PTPRD: variants seen among roughly 807,000 people sequenced by gnomAD.
PTPRD encodes receptor-type tyrosine-protein phosphatase delta.
Under a neutral mutation model 214.5 loss-of-function variants are expected in PTPRD, and 34 were observed. That is an observed-to-expected ratio of 0.16 (90% CI 0.12 to 0.21). The LOEUF is 0.21. Ranked by LOEUF, PTPRD falls within the 10% of genes least tolerant of loss-of-function variation. The pLI, the probability that PTPRD is intolerant of heterozygous loss-of-function variation, is 1.00. For missense variants in PTPRD, 2,545 were observed against 2,398.7 expected, an observed-to-expected ratio of 1.06 and a Z score of -1.27; for synonymous variants, 1,128 against 845.7, an observed-to-expected ratio of 1.33 and a Z score of -5.79.
intron 3 of PTPRD, among the ~76,000 whole-genome samples, chr9:10,213,709 T>C (rs1395280024): frequency 1.3e-5 from 2 of 152,144 alleles, no homozygotes; most frequent in African/African-American, 2.4e-5. Flanking sequence ...ACATTATTTA[T>C]TGAAGTAAGA....
At chr9:8,608,738 C>T (rs182539587) in intron 14 of PTPRD, among the ~76,000 whole-genome samples, 217 of 151,964 alleles carry the variant, frequency 1.4e-3, no homozygotes, top group African/African-American at 5.0e-3. Context: ...TGAAAATGCA[C>T]CGAAAAAAAT....
intron 10 of PTPRD, among the ~76,000 whole-genome samples, chr9:9,062,574 AT>A (rs2099709543): frequency 3.3e-5 from 5 of 151,286 alleles, no homozygotes; most frequent in Non-Finnish European, 4.4e-5. Flanking sequence ...CTATCTATCT[AT>A]CTATCTACCT....
At chr9:9,382,536 C>T (rs1022881446) in intron 9 of PTPRD, among the ~76,000 whole-genome samples, 6 of 151,914 alleles carry the variant, frequency 3.9e-5, no homozygotes, top group Non-Finnish European at 8.8e-5. Flanking sequence ...AGACATTTCC[C>T]CAAAGACAAC....
At chr9:8,389,776 T>G (rs2088778923) in intron 36 of PTPRD, among the ~76,000 whole-genome samples, 1 of 152,028 alleles carries the variant, frequency 6.6e-6, no homozygotes, top group African/African-American at 2.4e-5. Flanking sequence ...AGGCAAAAAC[T>G]AGATAAAAGA....
intron 3 of PTPRD, among the ~76,000 whole-genome samples, chr9:10,206,026 T>A (rs1208349511): frequency 1.5e-4 from 22 of 150,636 alleles, no homozygotes; most frequent in African/African-American, 4.4e-4. Context: ...CAATAATAGC[T>A]TTATGTAAAA....
At chr9:10,569,583 C>A (rs978720329) in intron 2 of PTPRD, among the ~76,000 whole-genome samples, 1 of 150,978 alleles carries the variant, frequency 6.6e-6, no homozygotes, top group African/African-American at 2.4e-5. Flanking sequence ...AGATACTATA[C>A]AAATATATTG....
intron 8 of PTPRD, among the ~76,000 whole-genome samples, chr9:9,456,903 G>A (rs1456028027): frequency 6.6e-6 from 1 of 151,866 alleles, no homozygotes; most frequent in East Asian, 1.9e-4. Flanking sequence ...AAGAGAGGAA[G>A]GAAGAGGATA....
At chr9:10,051,431 CT>C (rs200098688) in intron 3 of PTPRD, among the ~76,000 whole-genome samples, 14 of 151,772 alleles carry the variant, frequency 9.2e-5, no homozygotes, top group East Asian at 7.7e-4. Context: ...ATATTACAAT[CT>C]TTTTTTTCAG....
chr9:9,154,398 TGGTGTAG>T (rs546930519), intron 10 of PTPRD, among the ~76,000 whole-genome samples: 14,087 of 152,170 alleles, frequency 0.093, 875 homozygotes, highest in African/African-American at 0.17. Flanking sequence ...GTTTGGTTCC[TGGTGTAG>T]GCTCTCTTTC....
At chr9:8,363,713 A>G (rs929407655) in intron 39 of PTPRD, among the ~76,000 whole-genome samples, 7 of 152,302 alleles carry the variant, frequency 4.6e-5, no homozygotes, top group Admixed American at 4.6e-4. Flanking sequence ...TTGGGGCTCA[A>G]AAGTTTGATG....
At chr9:9,173,946 A>G (rs569541945) in intron 10 of PTPRD, among the ~76,000 whole-genome samples, 5 of 152,244 alleles carry the variant, frequency 3.3e-5, no homozygotes, top group Admixed American at 2.0e-4. Flanking sequence ...CCTATGCACA[A>G]TTTCACCTTA....
Position 9,188,326 on chromosome 9 carries a change from C to T in PTPRD, c.-202-4963G>A, listed in dbSNP as rs866245304. Among the ~76,000 whole-genome samples the T allele has an allele frequency of 1.1e-4, 16 of 151,994 alleles. 1 individual carries two copies. The highest frequency in any genetic ancestry group is 3.4e-3 in the Middle Eastern group (1 of 294). ...AGTTTAAAGCAATTACAATTAATGC[C>T]GCAATAAACATCCTTGTAGATATTT... On this transcript the variant is annotated intron_variant, in intron 9 of 45. Coordinates refer to ENST00000381196, the MANE Select transcript of PTPRD (RefSeq NM_002839.4).
intron 7 of PTPRD, among the ~76,000 whole-genome samples, chr9:9,685,352 T>G (rs2097149055): frequency 6.6e-6 from 1 of 151,162 alleles, no homozygotes; most frequent in African/African-American, 2.4e-5. Flanking sequence ...CACTTAAACA[T>G]GTACTTATTA....
At chr9:8,533,530 G>A (rs1435567017) in intron 14 of PTPRD, among the ~76,000 whole-genome samples, 1 of 152,012 alleles carries the variant, frequency 6.6e-6, no homozygotes, top group East Asian at 1.9e-4. Context: ...GGTTTTGGCA[G>A]TAATGGCAGT....
chr9:9,176,522 T>C (rs1373008909), intron 10 of PTPRD, among the ~76,000 whole-genome samples: 1 of 152,210 alleles, frequency 6.6e-6, no homozygotes. Flanking sequence ...TTAATTGCTA[T>C]GATTTCAATG....
intron 14 of PTPRD, among the ~76,000 whole-genome samples, chr9:8,562,871 T>C (rs1317647607): frequency 6.6e-6 from 1 of 151,848 alleles, no homozygotes; most frequent in Non-Finnish European, 1.5e-5. Context: ...TTGCAGAGGT[T>C]TTATGGTATT....
At chr9:8,551,692 C>T (rs2082154538) in intron 14 of PTPRD, among the ~76,000 whole-genome samples, 1 of 152,138 alleles carries the variant, frequency 6.6e-6, no homozygotes, top group African/African-American at 2.4e-5. Flanking sequence ...CTGGAAATTG[C>T]TAACAACATT....
At chr9:9,971,701 C>CAAGG (rs2095111298) in intron 4 of PTPRD, among the ~76,000 whole-genome samples, 1 of 152,180 alleles carries the variant, frequency 6.6e-6, no homozygotes, top group Admixed American at 6.5e-5. Context: ...GTGCAAATAG[C>CAAGG]ACCACCAAGC....
At chr9:9,806,458 C>T (rs2099073876) in intron 5 of PTPRD, among the ~76,000 whole-genome samples, 1 of 151,936 alleles carries the variant, frequency 6.6e-6, no homozygotes, top group South Asian at 2.1e-4. Context: ...GCTCTTGTGA[C>T]AATACACCCT....
Sources: allele counts gnomAD v4.1 joint callset (sites outside exome capture counted in the v4.1 genomes callset), GRCh38; gene constraint gnomAD v4.1.1; transcripts MANE v1.5; gene names NCBI Gene and HGNC (gene_info 2026-07-23, HGNC 2026-07-21).